The following VASH2 variants were observed in gnomAD, a reference collection of about 807,000 sequenced individuals.
VASH2 encodes the protein tubulinyl-Tyr carboxypeptidase 2.
Under a neutral mutation model 37.2 loss-of-function variants are expected in VASH2, and 28 were observed. The ratio of observed to expected loss-of-function variants is 0.75; its 90% CI spans 0.56 to 1.03. VASH2 has a LOEUF of 1.03. Ranked by LOEUF, VASH2 falls within the 50% of genes least tolerant of loss-of-function variation. The pLI, the probability that VASH2 is intolerant of heterozygous loss-of-function variation, is 0.00. For missense variants in VASH2, 419 were observed against 459.1 expected, an observed-to-expected ratio of 0.91 and a Z score of 0.80; for synonymous variants, 188 against 174.7, an observed-to-expected ratio of 1.08 and a Z score of -0.60.
At chr1:212,969,376 T>G (rs1666942189) in intron 5 of VASH2, 1 of 181,880 alleles carries the variant, frequency 5.5e-6, no homozygotes, top group Non-Finnish European at 1.0e-5. Context: ...TTTTGTATTT[T>G]TAGTAGAGAC....
At chr1:212,956,000 A>G (rs964883371) in intron 2 of VASH2, among the ~76,000 whole-genome samples, 1 of 152,182 alleles carries the variant, frequency 6.6e-6, no homozygotes, top group Non-Finnish European at 1.5e-5. Flanking sequence ...GCCAAAGAAG[A>G]TTCTTCTGCC....
chr1:212,981,669 G>A (rs927136724), intron 7 of VASH2, among the ~76,000 whole-genome samples: 4 of 152,172 alleles, frequency 2.6e-5, no homozygotes, highest in Admixed American at 6.5e-5. Flanking sequence ...AGGCTGTACC[G>A]CCAGTCTGGC....
Position 212,972,737 on chromosome 1 carries a change from C to A in VASH2, c.655C>A (p.Pro219Thr). 1 of 1,614,170 alleles carries A rather than the reference C, an allele frequency of 6.2e-7. No individual in the cohort carries two copies. Among genetic ancestry groups the A allele is most frequent in the Middle Eastern group, 1.6e-4 (1 of 6,062 alleles). The change falls in exon 6 of 8, where the codon CCA becomes ACA. Residue 219 changes from proline (P) to threonine (T), a missense_variant. Physicochemically the swap from Pro to Thr is conservative, Grantham distance 38 (BLOSUM62 -1). Around this residue, in one of 3 missense-constraint regions of VASH2, gnomAD observed 177 missense variants for 166.2 expected, o/e 1.06. Coordinates refer to ENST00000517399, the MANE Select transcript of VASH2 (RefSeq NM_001301056.2). The stretch of plus-strand genomic sequence containing the variant: ...CCGCAGGGCTGAGCTGATGGACAAG[C>A]CATTGACTTTTCGGACTCTGAGTGA... ...MSRRAELMDKPLTFRTLSDLI... is the reference protein window; with the variant it reads ...MSRRAELMDKTLTFRTLSDLI...
At chr1:212,961,020 C>G in intron 2 of VASH2, 146 bp from the exon 3 acceptor site, 1 of 709,738 alleles carries the variant, frequency 1.4e-6, no homozygotes, top group South Asian at 1.8e-5. Flanking sequence ...ACTGCTCAAT[C>G]AGGTAACCAC....
At chr1:212,977,078 C>T (rs1246282669) in intron 7 of VASH2, among the ~76,000 whole-genome samples, 1 of 152,002 alleles carries the variant, frequency 6.6e-6, no homozygotes, top group Non-Finnish European at 1.5e-5. Flanking sequence ...GAAGGAGAAG[C>T]ACTATGCACT....
chr1:212,972,476 C>A, intron 5 of VASH2, 104 bp from the exon 6 acceptor site: 2 of 1,413,366 alleles, frequency 1.4e-6, no homozygotes, highest in South Asian at 1.3e-5. Flanking sequence ...TGCTCAGAGG[C>A]AGGGGGATGG....
chr1:212,974,603 G>C (rs1391850944), intron 7 of VASH2: 1 of 152,190 alleles, frequency 6.6e-6, no homozygotes, highest in Non-Finnish European at 1.5e-5. Context: ...TCAGCCCTGA[G>C]GCCAGTGATC....
At chr1:212,977,793 T>C (rs1003415632) in intron 7 of VASH2, among the ~76,000 whole-genome samples, 5 of 152,228 alleles carry the variant, frequency 3.3e-5, no homozygotes, top group African/African-American at 1.2e-4. Context: ...GAGCTTCTGA[T>C]TCAGCACATA....
chr1:212,973,096 C>A, intron 6 of VASH2, 135 bp downstream of exon 6: 1 of 1,138,968 alleles, frequency 8.8e-7, no homozygotes, highest in South Asian at 1.6e-5. Flanking sequence ...TTTGCACATA[C>A]TACTGCAAAG....
chr1:212,983,561 G>C (rs1667396455), intron 7 of VASH2, among the ~76,000 whole-genome samples: 1 of 152,186 alleles, frequency 6.6e-6, no homozygotes, highest in African/African-American at 2.4e-5. Context: ...CAACCCCACT[G>C]CACCGAGGAT....
chr1:212,953,384 C>T (rs1205562767), intron 2 of VASH2, among the ~76,000 whole-genome samples: 2 of 152,158 alleles, frequency 1.3e-5, no homozygotes, highest in Admixed American at 1.3e-4. Flanking sequence ...TAGGCCTGGC[C>T]AGAGTCGATT....
chr1:212,955,344 G>A (rs542633674), intron 2 of VASH2, among the ~76,000 whole-genome samples: 19 of 152,342 alleles, frequency 1.2e-4, no homozygotes, highest in African/African-American at 4.6e-4. Context: ...CCATCTTGCA[G>A]GGATTCCCCT....
At chr1:212,988,474 C>T (rs1291778278) in intron 7 of VASH2, 38 bp from the exon 8 acceptor site, 2 of 1,605,064 alleles carry the variant, frequency 1.2e-6, no homozygotes, top group Non-Finnish European at 8.5e-7. Context: ...TTTGCCCCAT[C>T]CCCTCTCCTC....
intron 3 of VASH2, among the ~76,000 whole-genome samples, chr1:212,963,643 C>T (rs1666748747): frequency 6.6e-6 from 1 of 150,980 alleles, no homozygotes; most frequent in African/African-American, 2.5e-5. Flanking sequence ...AGCCTTCTAA[C>T]AGCAAATTCG....
At chr1:212,973,679 G>A (rs1667079432) in intron 6 of VASH2, 1 of 1,261,580 alleles carries the variant, frequency 7.9e-7, no homozygotes, top group Non-Finnish European at 1.0e-6. Flanking sequence ...GGGAGACTGA[G>A]GCATTGGGCT....
intron 5 of VASH2, chr1:212,967,403 C>T: frequency 3.4e-6 from 4 of 1,192,574 alleles, no homozygotes; most frequent in Non-Finnish European, 4.2e-6. Flanking sequence ...AGCAAAGATG[C>T]TCCGAAGTCC....
Position 212,991,487 on chromosome 1 carries a change from G to C in VASH2, c.*2903G>C, listed in dbSNP as rs2075859946. The C allele has an allele frequency of 6.6e-6, 1 of 152,174 alleles. No homozygotes were observed. The highest frequency in any genetic ancestry group is 2.1e-4 in the South Asian group (1 of 4,830). The allele number at this position is 152,174 out of a possible 1,614,324, so 9.4% of individuals were successfully genotyped here. The stretch of plus-strand genomic sequence containing the variant: ...AAAACTTGTATAATGGTATTTTAGA[G>C]AATGCCAGTAAGTGCATGTTTCAAG... On this transcript the variant is annotated 3_prime_UTR_variant, in exon 8 of 8. Transcript: ENST00000517399.
intron 7 of VASH2, among the ~76,000 whole-genome samples, chr1:212,977,184 G>A (rs1197145299): frequency 1.6e-5 from 1 of 60,646 alleles, no homozygotes; most frequent in Non-Finnish European, 3.2e-5. Flanking sequence ...GCTGATGCAG[G>A]CCAGATTCCT....
intron 5 of VASH2, among the ~76,000 whole-genome samples, chr1:212,969,413 G>A (rs1666943448): frequency 6.6e-6 from 1 of 152,116 alleles, no homozygotes; most frequent in Non-Finnish European, 1.5e-5. Context: ...AGCCAGGATG[G>A]TCTCAATCTG....
Sources: gnomAD v4.1 joint callset for allele counts (sites outside exome capture counted in the v4.1 genomes callset) on GRCh38, gnomAD v4.1.1 for gene constraint, gnomAD v4.1.1 regional missense constraint, MANE v1.5 for transcripts, NCBI Gene and HGNC (gene_info 2026-07-23, HGNC 2026-07-21) for gene names.